Variants in SLC27A2 observed in about 807,000 individuals in gnomAD.
The protein encoded by SLC27A2 is long-chain fatty acid transport protein 2.
Under a neutral mutation model 60.0 loss-of-function variants are expected in SLC27A2, and 54 were observed. The observed-to-expected ratio is 0.90, with a 90% CI of 0.72 to 1.13. The LOEUF (loss-of-function observed/expected upper bound fraction) is 1.13. Among genes scored for constraint, SLC27A2 ranks in the 50% most tolerant of loss-of-function variants. The pLI is 0.00. For synonymous variants in SLC27A2, 297 were observed against 297.6 expected (o/e 1.00, Z 0.02); for missense variants, 739 against 777.6 (o/e 0.95, Z 0.59).
intron 2 of SLC27A2, 120 bp from the exon 3 acceptor site, chr15:50,202,367 G>A: frequency 1.0e-6 from 1 of 970,738 alleles, no homozygotes; most frequent in Non-Finnish European, 1.6e-6. Context: ...ACTGGTCATG[G>A]CCCTTCCCAG....
chr15:50,218,150 C>T (rs2045215843), intron 4 of SLC27A2, among the ~76,000 whole-genome samples: 1 of 149,682 alleles, frequency 6.7e-6, no homozygotes, highest in South Asian at 2.1e-4. Context: ...ATATTGTATC[C>T]ATAAAACAAG....
intron 5 of SLC27A2, among the ~76,000 whole-genome samples, chr15:50,225,690 A>G (rs1299379025): frequency 6.6e-6 from 1 of 152,252 alleles, no homozygotes; most frequent in Non-Finnish European, 1.5e-5. Flanking sequence ...TATTATAGAC[A>G]TATTTAGTGA....
rs779980774 is a variant in SLC27A2, at chr15:50,197,650, G to A, written c.629G>A (p.Trp210Ter). 2.5e-6 allele frequency: 4 copies of A among 1,613,970 alleles called. No individual in the cohort carries two copies. The Admixed American group carries it at 5.0e-5, about 20-fold the overall frequency. ...EVSTEPIPES[W>*]RSEVTFSTPA... ...TCAACTGAACCTATCCCAGAGTCAT[G>A]GAGGTCTGAAGTCACTTTTTCCACT... The change falls in exon 2 of 10, where the codon TGG becomes TAG. Residue 210 changes from tryptophan (W) to a stop codon, truncating the protein, a stop_gained. Transcript: ENST00000267842. LOFTEE classifies it high-confidence loss of function.
intron 5 of SLC27A2, among the ~76,000 whole-genome samples, chr15:50,225,617 C>T (rs781218207): frequency 2.6e-5 from 4 of 152,040 alleles, no homozygotes; most frequent in Non-Finnish European, 5.9e-5. Context: ...ATAAATAAAT[C>T]GTGGTATGTT....
intron 4 of SLC27A2, among the ~76,000 whole-genome samples, chr15:50,216,242 C>A (rs1393786769): frequency 6.6e-6 from 1 of 152,090 alleles, no homozygotes; most frequent in African/African-American, 2.4e-5. Flanking sequence ...AAATGCAAAT[C>A]AAAACTACAA....
At chr15:50,209,027 G>A (rs2045134584) in intron 4 of SLC27A2, among the ~76,000 whole-genome samples, 1 of 152,160 alleles carries the variant, frequency 6.6e-6, no homozygotes, top group African/African-American at 2.4e-5. Context: ...TCCAGTACAG[G>A]GGTCTCAATG....
At chr15:50,232,166 G>C (rs1402938282) in intron 8 of SLC27A2, among the ~76,000 whole-genome samples, 1 of 152,232 alleles carries the variant, frequency 6.6e-6, no homozygotes, top group Admixed American at 6.5e-5. Context: ...GGGTGATTCT[G>C]CACAAGGCAA....
At chr15:50,187,964 G>T (rs1262610168) in intron 1 of SLC27A2, among the ~76,000 whole-genome samples, 1 of 141,462 alleles carries the variant, frequency 7.1e-6, no homozygotes, top group Non-Finnish European at 1.5e-5. Flanking sequence ...GGGAGGAGAG[G>T]CCACCAAAAA....
intron 1 of SLC27A2, among the ~76,000 whole-genome samples, chr15:50,183,272 C>T (rs1472231438): frequency 6.6e-6 from 1 of 152,184 alleles, no homozygotes; most frequent in Non-Finnish European, 1.5e-5. Context: ...ATAACATCTG[C>T]ATTAAAATGC....
chr15:50,210,398 A>T (rs1483871817), intron 4 of SLC27A2, among the ~76,000 whole-genome samples: 1 of 152,180 alleles, frequency 6.6e-6, no homozygotes, highest in Non-Finnish European at 1.5e-5. Context: ...TGTTTGTAGA[A>T]CTTCCCGACT....
chr15:50,227,006 A>G lies in SLC27A2; in HGVS notation c.1285A>G (p.Ile429Val). 1 of 1,613,940 alleles carries G rather than the reference A, an allele frequency of 6.2e-7. No homozygotes were observed. The highest frequency in any genetic ancestry group is 1.1e-5 in the South Asian group (1 of 90,958). The change falls in exon 7 of 10, where the codon ATC (isoleucine) becomes GTC (valine). Residue 429 changes from isoleucine to valine, a missense_variant. Coordinates refer to ENST00000267842, the MANE Select transcript of SLC27A2 (RefSeq NM_003645.4). ...TGAAGTTGGACTTCTGGTTTGCAAA[A>G]TCACACAACTTACACCATTTAATGG... ...KGEVGLLVCK[I>V]TQLTPFNGYA...
chr15:50,183,725 AGG>A (rs1363959800), intron 1 of SLC27A2, among the ~76,000 whole-genome samples: 7 of 152,220 alleles, frequency 4.6e-5, no homozygotes, highest in Admixed American at 1.3e-4. Context: ...ATAAGGACCA[AGG>A]GTTCCTTCTC....
At chr15:50,192,743 G>A (rs956496949) in intron 1 of SLC27A2, among the ~76,000 whole-genome samples, 4 of 142,880 alleles carry the variant, frequency 2.8e-5, no homozygotes, top group African/African-American at 1.0e-4. Flanking sequence ...TTTTGTAGAG[G>A]TGTTTTGCCA....
rs17848322 is a variant in SLC27A2, at chr15:50,223,027, G to A, written c.1035G>A (p.Val345=). 1,733 of 1,614,012 alleles carry A rather than the reference G, an allele frequency of 1.1e-3. 19 individuals carry two copies. The Admixed American group carries it at 0.024, about 22-fold the overall frequency. The change falls in exon 5 of 10, where the codon GTG becomes GTA. Residue 345 remains valine, a synonymous_variant. Coordinates refer to ENST00000267842, the MANE Select transcript of SLC27A2 (RefSeq NM_003645.4). ...TGGGAAATGGCTTACGAGGAGATGT[G>A]TGGAGACAATTTGTCAAGAGATTTG... ...LALGNGLRGD[V]WRQFVKRFGD...
chr15:50,219,391 T>C (rs1042147782), intron 4 of SLC27A2, among the ~76,000 whole-genome samples: 9 of 152,186 alleles, frequency 5.9e-5, no homozygotes, highest in African/African-American at 1.9e-4. Context: ...TTTCTTATCT[T>C]ACACTATGTG....
chr15:50,226,862 T>C, intron 6 of SLC27A2, 118 bp from the exon 7 acceptor site: 1 of 724,464 alleles, frequency 1.4e-6, no homozygotes, highest in Non-Finnish European at 2.3e-6. Flanking sequence ...GCATGGAAAA[T>C]GATACTTCCT....
chr15:50,228,965 C>T lies in SLC27A2; in HGVS notation c.1478C>T (p.Ala493Val). 6.2e-7 allele frequency: 1 copy of T among 1,613,706 alleles called. No individual in the cohort carries two copies. Among genetic ancestry groups the T allele is most frequent in the East Asian group, 2.2e-5 (1 of 44,876 alleles). ...DTFRWKGENV[A>V]TTEVADTVGL... ...TCCAGGTGGAAAGGGGAAAATGTGG[C>T]CACCACTGAAGTTGCTGATACAGTT... The change falls in exon 8 of 10, where the codon GCC becomes GTC. Residue 493 changes from alanine (A) to valine (V), a missense_variant. Physicochemically the swap from Ala to Val is moderately conservative, Grantham distance 64 (BLOSUM62 0). Transcript: ENST00000267842.
chr15:50,226,143 A>T (rs1263564606), intron 6 of SLC27A2, 65 bp downstream of exon 6: 3 of 1,013,150 alleles, frequency 3.0e-6, no homozygotes, highest in Non-Finnish European at 3.1e-6. Context: ...ACTTTTAAGG[A>T]CTAACATATT....
At position 50,196,075 on chromosome 15, in the gene SLC27A2, AAAATATATATATATATATATATAT is replaced by A. The variant is rs1450458681; in HGVS notation, c.479-1423_479-1400del. On this transcript the variant is annotated intron_variant, in intron 1 of 9. Transcript: ENST00000267842. Reference sequence around the variant, plus strand: ...TCTCAAAAAAAAAAAAAAAAAAAAAAAAATATATATATATATATATATATATATATATATATATATATATATATA... The same window carrying A: ...TCTCAAAAAAAAAAAAAAAAAAAAAAATATATATATATATATATATATATA... Among the ~76,000 whole-genome samples the A allele has an allele frequency of 1.3e-3, 24 of 18,132 alleles. 1 individual carries two copies. Among genetic ancestry groups the A allele is most frequent in the African/African-American group, 4.6e-3 (22 of 4,752 alleles). 11.9% of individuals were successfully genotyped at this position (18,132 alleles called of 152,430 possible).
Sources: gnomAD v4.1 joint callset for allele counts (sites outside exome capture counted in the v4.1 genomes callset) on GRCh38, gnomAD v4.1.1 for gene constraint, MANE v1.5 for transcripts, NCBI Gene and HGNC (gene_info 2026-07-23, HGNC 2026-07-21) for gene names.